The following UNC80 variants were observed in gnomAD, a reference collection of about 807,000 sequenced individuals.
UNC80 encodes protein unc-80 homolog.
Under a neutral mutation model 384.6 loss-of-function variants are expected in UNC80, and 164 were observed. That is an observed-to-expected ratio of 0.43 (90% CI 0.38 to 0.49). The LOEUF (loss-of-function observed/expected upper bound fraction) is 0.49, where lower values mean the gene tolerates loss of function less well. UNC80 is among the 20% of genes least tolerant of loss of function. The pLI, the probability that UNC80 is intolerant of heterozygous loss-of-function variation, is 0.00. For synonymous variants in UNC80, 1,486 were observed against 1,527.8 expected, an observed-to-expected ratio of 0.97 and a Z score of 0.64; for missense variants, 3,330 against 4,143.0, an observed-to-expected ratio of 0.80 and a Z score of 5.39.
At chr2:209,896,540 C>T in intron 28 of UNC80, 127 bp downstream of exon 28, 1 of 792,056 alleles carries the variant, frequency 1.3e-6, no homozygotes, top group Non-Finnish European at 2.1e-6. Flanking sequence ...AAAGCAGGGG[C>T]TTATGTTTTA....
Position 209,809,416 on chromosome 2 carries a change from A to T in UNC80, c.939-4164A>T, listed in dbSNP as rs189550539. Reference sequence around the variant, plus strand: ...CACTGGTGAGAAGCCCTTCTCCTGTACCCACTGCAGCCGTGCCTTCGCCGA... The same window carrying T: ...CACTGGTGAGAAGCCCTTCTCCTGTTCCCACTGCAGCCGTGCCTTCGCCGA... On this transcript the variant is annotated intron_variant, in intron 7 of 64. Transcript: ENST00000673920. 5,063 of 1,421,706 alleles carry T rather than the reference A, an allele frequency of 3.6e-3. 13 individuals carry two copies. The highest frequency in any genetic ancestry group is 4.5e-3 in the Non-Finnish European group (4,525 of 1,006,096). 88.1% of individuals were successfully genotyped at this position (1,421,706 alleles called of 1,614,324 possible).
In UNC80 at chr2:209,992,152, T is replaced by C. The variant is rs2093404328; in HGVS notation, c.9315-14T>C. 3 of 1,551,252 alleles carry C rather than the reference T, an allele frequency of 1.9e-6. No individual in the cohort carries two copies. Among genetic ancestry groups the C allele is most frequent in the Non-Finnish European group, 2.6e-6 (3 of 1,146,668 alleles). The stretch of plus-strand genomic sequence containing the variant: ...CTCTCTCCGGGGTACACTAACACTG[T>C]TGATGCTTGGCAGGGTGGCAAGTAT... On this transcript the variant is annotated splice_polypyrimidine_tract_variant and intron_variant, in intron 61 of 64. Transcript: ENST00000673920.
intron 22 of UNC80, among the ~76,000 whole-genome samples, chr2:209,866,948 G>A (rs541873732): frequency 6.6e-6 from 1 of 152,284 alleles, no homozygotes; most frequent in South Asian, 2.1e-4. Flanking sequence ...TGGAATACTT[G>A]TGATATTTTG....
intron 43 of UNC80, among the ~76,000 whole-genome samples, chr2:209,940,179 T>C (rs1046862886): frequency 7.2e-5 from 11 of 152,058 alleles, no homozygotes; most frequent in African/African-American, 2.7e-4. Context: ...CGGGTATTTG[T>C]GTGAAGTTCA....
At chr2:209,927,022 C>T (rs1161430637) in intron 36 of UNC80, 36 bp downstream of exon 36, 6 of 1,547,904 alleles carry the variant, frequency 3.9e-6, no homozygotes, top group Non-Finnish European at 5.2e-6. Flanking sequence ...CAGTGACATT[C>T]TTAAGCTGTT....
chr2:209,903,038 T>C (rs1481905010), intron 28 of UNC80, among the ~76,000 whole-genome samples: 1 of 151,720 alleles, frequency 6.6e-6, no homozygotes, highest in Non-Finnish European at 1.5e-5. Flanking sequence ...TAAAATGGTA[T>C]AGTATTTGCA....
intron 35 of UNC80, among the ~76,000 whole-genome samples, chr2:209,925,362 G>C: frequency 6.6e-6 from 1 of 152,110 alleles, no homozygotes; most frequent in East Asian, 1.9e-4. Context: ...CTTCAAGAAT[G>C]AAGCCGCGGA....
Position 209,941,481 on chromosome 2 carries a change from A to G in UNC80, c.6907A>G (p.Met2303Val). ...LSGYQWILPT[M>V]LQVYSDYESN... ...CGGCTACCAGTGGATTCTCCCCACC[A>G]TGCTGCAGGTGCCCAGAACCTCCTC... The change falls in exon 44 of 65, where the codon ATG becomes GTG. Residue 2303 changes from methionine (M) to valine (V), a missense_variant. Physicochemically the swap from Met to Val is conservative, Grantham distance 21. This residue lies in a region of UNC80 where 1,049 missense variants were observed against 1,488.6 expected (regional missense o/e 0.70). Transcript: ENST00000673920. 1 of 1,532,012 alleles carries G rather than the reference A, an allele frequency of 6.5e-7. No homozygotes were observed. Among genetic ancestry groups the G allele is most frequent in the Non-Finnish European group, 8.8e-7 (1 of 1,131,186 alleles). The allele number at this position is 1,532,012 out of a possible 1,614,324, so 94.9% of individuals were successfully genotyped here. A position where few individuals can be genotyped will look rare whatever the true frequency, so the allele number is the denominator to read the frequency against.
chr2:209,885,663 T>G (rs1259529629), intron 25 of UNC80, among the ~76,000 whole-genome samples: 1 of 152,142 alleles, frequency 6.6e-6, no homozygotes, highest in Non-Finnish European at 1.5e-5. Flanking sequence ...CCTATATTTT[T>G]CTGGGTGTGA....
rs2089690261 is a variant in UNC80 at position 209,917,923 on chromosome 2, C to A, written c.5176C>A (p.Pro1726Thr). The A allele has an allele frequency of 6.4e-7, 1 of 1,551,490 alleles. No individual in the cohort carries two copies. Among genetic ancestry groups the A allele is most frequent in the Non-Finnish European group, 8.7e-7 (1 of 1,146,970 alleles). The change falls in exon 32 of 65, where the codon CCC (proline) becomes ACC (threonine). Residue 1726 changes from proline (P) to threonine (T), a missense_variant. Around this residue, in one of 8 missense-constraint regions of UNC80, gnomAD observed 801 missense variants for 950.8 expected, o/e 0.84. Coordinates refer to ENST00000673920, the MANE Select transcript of UNC80 (RefSeq NM_001371986.1). ...CTGGAGGTTTCGCTATCAGGTCTGG[C>A]CCCGGATGGAGGAAGGGGCACAGCA... ...TLWRFRYQVW[P>T]RMEEGAQQIF...
chr2:209,923,754 T>C (rs2124956002), intron 35 of UNC80, among the ~76,000 whole-genome samples: 1 of 152,314 alleles, frequency 6.6e-6, no homozygotes, highest in East Asian at 1.9e-4. Context: ...TTTATTGCTA[T>C]CTGTATGGCA....
In UNC80 at chr2:209,821,127, A is replaced by G. The variant is rs185851708; in HGVS notation, c.2331+448A>G. 3.3e-5 allele frequency among the ~76,000 whole-genome samples: 5 copies of G among 150,340 alleles called. No individual in the cohort carries two copies. In the East Asian group the frequency reaches 8.2e-4, roughly 25 times the overall value. On this transcript the variant is annotated intron_variant, in intron 13 of 64. Coordinates refer to ENST00000673920, the MANE Select transcript of UNC80 (RefSeq NM_001371986.1). ...ATGGTTCTGGAGGCTGGGAAGTCCA[A>G]GTGCTGTCAGGTTTAGTTTTATTCT...
intron 42 of UNC80, 139 bp from the exon 43 acceptor site, chr2:209,939,333 C>A: frequency 5.8e-6 from 4 of 694,656 alleles, no homozygotes; most frequent in Non-Finnish European, 6.8e-6. Flanking sequence ...AAACACATGT[C>A]TCCCTCATTT....
intron 29 of UNC80, among the ~76,000 whole-genome samples, chr2:209,909,279 G>C (rs947766635): frequency 2.0e-5 from 3 of 152,118 alleles, no homozygotes; most frequent in African/African-American, 7.2e-5. Flanking sequence ...AATAATTTTT[G>C]TTGTAAGGAA....
intron 30 of UNC80, 99 bp downstream of exon 30, chr2:209,912,766 G>C: frequency 1.3e-6 from 1 of 786,432 alleles, no homozygotes; most frequent in Non-Finnish European, 2.0e-6. Context: ...ACATCAGTTG[G>C]TACAGTGTTG....
chr2:209,939,586 C>T lies in UNC80; in HGVS notation c.6580C>T (p.Leu2194Phe). Residue 2194 changes from leucine (L) to phenylalanine (F), a missense_variant, in exon 43 of 65, where the codon CTC becomes TTC. This residue lies in a region of UNC80 where 1,049 missense variants were observed against 1,488.6 expected (regional missense o/e 0.70). Coordinates refer to ENST00000673920, the MANE Select transcript of UNC80 (RefSeq NM_001371986.1). ...SHVSMLQEDL[L>F]RLPSFPRSAI... Reference sequence around the variant, plus strand: ...CGTCTCCATGCTTCAGGAAGACCTCCTCCGCCTGCCCTCATTCCCTCGTAG... The same window carrying T: ...CGTCTCCATGCTTCAGGAAGACCTCTTCCGCCTGCCCTCATTCCCTCGTAG... 1 of 1,551,932 alleles carries T rather than the reference C, an allele frequency of 6.4e-7. No individual in the cohort carries two copies.
Position 209,839,133 on chromosome 2 carries a change from TA to T in UNC80, c.3042-86del. 8.1e-7 allele frequency: 1 copy of T among 1,229,736 alleles called. No individual in the cohort carries two copies. The highest frequency in any genetic ancestry group is 1.1e-6 in the Non-Finnish European group (1 of 880,264). 76.2% of individuals were successfully genotyped at this position (1,229,736 alleles called of 1,614,324 possible). On this transcript the variant is annotated intron_variant, in intron 18 of 64. Coordinates refer to ENST00000673920, the MANE Select transcript of UNC80 (RefSeq NM_001371986.1). This position sits in a 1 kb window ranked among gnomAD's most constrained non-coding sequence, Gnocchi z 4.1. ...CAAAGATCATTTTGCATGATTTGCCTAAATATCATTGACAGGAAGATGAAAG... is the reference window on the plus strand; with the variant it reads ...CAAAGATCATTTTGCATGATTTGCCTAATATCATTGACAGGAAGATGAAAG...
intron 24 of UNC80, 64 bp downstream of exon 24, chr2:209,878,153 A>G (rs1281905297): frequency 5.7e-6 from 8 of 1,409,764 alleles, no homozygotes; most frequent in Non-Finnish European, 7.4e-6. Flanking sequence ...AGGAGCACTT[A>G]ATACTTCTCT....
chr2:209,939,714 TA>T, intron 43 of UNC80, 62 bp downstream of exon 43: 9 of 1,392,542 alleles, frequency 6.5e-6, no homozygotes, highest in South Asian at 3.2e-5. Context: ...TGTTTTTTTT[TA>T]AAATTTTATT....
Sources: gnomAD v4.1 joint callset for allele counts (sites outside exome capture counted in the v4.1 genomes callset) on GRCh38, gnomAD v4.1.1 for gene constraint, gnomAD v4.1.1 regional missense constraint, Gnocchi (gnomAD v3.1) non-coding constraint, MANE v1.5 for transcripts, NCBI Gene and HGNC (gene_info 2026-07-23, HGNC 2026-07-21) for gene names.